Variants in IGBP1C observed in about 807,000 individuals in gnomAD.
IGBP1C encodes immunoglobulin-binding protein 1 family member C.
the IGBP1C span, among the ~76,000 whole-genome samples, chr17:58,674,618 C>T: frequency 2.0e-5 from 3 of 151,830 alleles, no homozygotes; most frequent in Non-Finnish European, 2.9e-5. Context: ...TGCAGTGAGC[C>T]GAGATCCTGC....
chr17:58,691,122 C>G, the IGBP1C span, among the ~76,000 whole-genome samples: 1 of 151,994 alleles, frequency 6.6e-6, no homozygotes, highest in Non-Finnish European at 1.5e-5. Context: ...TCCCAAAGTG[C>G]TGGGATTACA....
chr17:58,684,514 G>T, the IGBP1C span, among the ~76,000 whole-genome samples: 256 of 151,126 alleles, frequency 1.7e-3, 3 homozygotes, highest in Non-Finnish European at 8.6e-4. Context: ...ACACGTGCCT[G>T]TTCCCAGCTA....
At chr17:58,673,783 G>A in the IGBP1C span, among the ~76,000 whole-genome samples, 33 of 151,872 alleles carry the variant, frequency 2.2e-4, no homozygotes, top group Non-Finnish European at 3.5e-4. Context: ...ATGTTGCCCA[G>A]CTTGGTCTCA....
At chr17:58,670,771 T>TCAAAAAAAAAAAAAAAAA in the IGBP1C span, among the ~76,000 whole-genome samples, 2 of 7,954 alleles carry the variant, frequency 2.5e-4, 1 homozygote, top group African/African-American at 9.2e-4. Context: ...AGACTCCCTC[T>TCAAAAAAAAAAAAAAAAA]TAAAAAAAAA....
At chr17:58,680,090 T>TC in the IGBP1C span, among the ~76,000 whole-genome samples, 5 of 147,242 alleles carry the variant, frequency 3.4e-5, no homozygotes, top group East Asian at 1.9e-4. Flanking sequence ...TCTTTTTTTT[T>TC]CCCCCCAGAG....
the IGBP1C span, among the ~76,000 whole-genome samples, chr17:58,676,420 C>T: frequency 4.0e-5 from 6 of 151,528 alleles, no homozygotes; most frequent in African/African-American, 1.5e-4. Flanking sequence ...AAAACCCAGG[C>T]GTGGTGGCAG....
the IGBP1C span, among the ~76,000 whole-genome samples, chr17:58,691,095 A>T: frequency 6.6e-6 from 1 of 151,890 alleles, no homozygotes; most frequent in African/African-American, 2.4e-5. Context: ...GCTCAAAGAG[A>T]TCCACCTGCC....
At chr17:58,672,211 C>T in the IGBP1C span, among the ~76,000 whole-genome samples, 1 of 152,132 alleles carries the variant, frequency 6.6e-6, no homozygotes, top group Non-Finnish European at 1.5e-5. Flanking sequence ...ATGACATCAC[C>T]TCCTGCTGTG....
At chr17:58,686,257 T>C in the IGBP1C span, among the ~76,000 whole-genome samples, 2 of 152,060 alleles carry the variant, frequency 1.3e-5, no homozygotes, top group Non-Finnish European at 2.9e-5. Flanking sequence ...AGGATCTCTT[T>C]CTTGAGCCCA....
At chr17:58,684,484 C>T in the IGBP1C span, among the ~76,000 whole-genome samples, 1 of 150,000 alleles carries the variant, frequency 6.7e-6, no homozygotes, top group South Asian at 2.1e-4. Context: ...AAATTGCTTC[C>T]ATATTAGCCG....
the IGBP1C span, among the ~76,000 whole-genome samples, chr17:58,665,288 G>A: frequency 3.3e-5 from 5 of 151,122 alleles, no homozygotes; most frequent in Non-Finnish European, 5.9e-5. Flanking sequence ...CATCAGGCCC[G>A]GCCCACATGA....
chr17:58,690,784 G>A, the IGBP1C span, among the ~76,000 whole-genome samples: 5 of 152,256 alleles, frequency 3.3e-5, no homozygotes, highest in African/African-American at 9.6e-5. Flanking sequence ...TATTCTCCCC[G>A]CCAGTAGGGA....
the IGBP1C span, among the ~76,000 whole-genome samples, chr17:58,662,024 G>T: frequency 2.0e-5 from 3 of 151,998 alleles, no homozygotes; most frequent in African/African-American, 7.2e-5. Context: ...CTGCCACACA[G>T]GGAAGTAGCA....
the IGBP1C span, among the ~76,000 whole-genome samples, chr17:58,683,121 C>T: frequency 6.6e-6 from 1 of 151,390 alleles, no homozygotes; most frequent in Admixed American, 6.6e-5. Flanking sequence ...GCCTGTAATC[C>T]CAGCAGTTTG....
chr17:58,670,784 A>C, the IGBP1C span, among the ~76,000 whole-genome samples: 11 of 150,620 alleles, frequency 7.3e-5, no homozygotes, highest in Non-Finnish European at 1.3e-4. Context: ...AAAAAAAAAA[A>C]AAAAAAAAAA....
At chr17:58,668,505 G>A in the IGBP1C span, among the ~76,000 whole-genome samples, 2 of 152,170 alleles carry the variant, frequency 1.3e-5, no homozygotes, top group African/African-American at 4.8e-5. Flanking sequence ...TGAAGGCTCA[G>A]GGTGCTCCCA....
the IGBP1C span, among the ~76,000 whole-genome samples, chr17:58,673,547 C>T: frequency 2.0e-5 from 3 of 151,274 alleles, no homozygotes; most frequent in African/African-American, 7.3e-5. Context: ...ATTTTTCTCT[C>T]TCCTTTATAT....
the IGBP1C span, chr17:58,677,700 C>T: frequency 1.4e-5 from 2 of 143,822 alleles, no homozygotes; most frequent in African/African-American, 2.7e-5. Context: ...GGGAAAACCA[C>T]CTTTGTGGTC....
At chr17:58,674,036 G>A in the IGBP1C span, among the ~76,000 whole-genome samples, 1 of 152,286 alleles carries the variant, frequency 6.6e-6, no homozygotes, top group Admixed American at 6.5e-5. Context: ...CACTTTGGGA[G>A]GCCAAGGCGG....
Sources: allele counts gnomAD v4.1 joint callset (sites outside exome capture counted in the v4.1 genomes callset), GRCh38; gene constraint gnomAD v4.1.1; transcripts MANE v1.5; gene names NCBI Gene and HGNC (gene_info 2026-07-23, HGNC 2026-07-21).